TALDO1: variants seen among roughly 807,000 people sequenced by gnomAD.
TALDO1 encodes the protein transaldolase 1.
In TALDO1, 29 loss-of-function variants were observed where a neutral mutation model predicts 38.1. That is an observed-to-expected ratio of 0.76 (90% confidence interval 0.57 to 1.04). The LOEUF (loss-of-function observed/expected upper bound fraction) is 1.04, where lower values mean the gene tolerates loss of function less well. Among genes scored for constraint, TALDO1 ranks in the 50% least tolerant of loss-of-function variants. TALDO1 has a pLI of 0.00. For synonymous variants in TALDO1, 207 were observed against 176.8 expected (o/e 1.17, Z -1.36); for missense variants, 499 against 438.1 (o/e 1.14, Z -1.24).
Position 764,311 on chromosome 11 carries a change from A to T in TALDO1, c.859A>T (p.Ile287Phe). 6.2e-7 allele frequency: 1 copy of T among 1,614,240 alleles called. No homozygotes were observed. ...KAAQASDLEK[I>F]HLDEKSFRWL... ...AGCCCAAGCCAGTGACCTGGAAAAA[A>T]TCCACCTGGATGAGAAGTCTTTCCG... The change falls in exon 7 of 8, where the codon ATC (isoleucine) becomes TTC (phenylalanine). Residue 287 changes from isoleucine to phenylalanine, a missense_variant. Physicochemically the swap from Ile to Phe is conservative, Grantham distance 21. Transcript: ENST00000319006.
intron 4 of TALDO1, among the ~76,000 whole-genome samples, chr11:761,967 T>G (rs1030860615): frequency 6.6e-6 from 1 of 150,954 alleles, no homozygotes; most frequent in South Asian, 2.1e-4. Flanking sequence ...TGTGTGTTTT[T>G]TTGTTTTTTT....
rs774227609 is a variant in TALDO1 at position 763,555 on chromosome 11, C to T, written c.637+36C>T. On this transcript the variant is annotated intron_variant, in intron 5 of 7. Transcript: ENST00000319006. The stretch of plus-strand genomic sequence containing the variant: ...CTCTGTGGTAATGGGGTAAGGGGAG[C>T]AGCCTCAGCAGCACCTCAGGCAGGA... 102 of 1,611,170 alleles carry T rather than the reference C, an allele frequency of 6.3e-5. 1 individual carries two copies. The South Asian group carries it at 1.1e-3, about 18-fold the overall frequency.
intron 4 of TALDO1, 123 bp downstream of exon 4, chr11:760,376 C>A: frequency 6.8e-7 from 1 of 1,467,154 alleles, no homozygotes; most frequent in Non-Finnish European, 9.3e-7. Flanking sequence ...GGGAGCACAG[C>A]CCACAGCTTG....
At chr11:764,553 C>T (rs1456731180) in intron 7 of TALDO1, 120 bp downstream of exon 7, 3 of 1,505,942 alleles carry the variant, frequency 2.0e-6, no homozygotes, top group African/African-American at 1.4e-5. Context: ...CATTCACGTG[C>T]TGTCCAGCAA....
intron 4 of TALDO1, 45 bp from the exon 5 acceptor site, chr11:763,283 CCCCCGCCCTCACCTGT>C (rs1174545233): frequency 0.015 from 4,434 of 298,506 alleles, 107 homozygotes; most frequent in African/African-American, 0.021. Flanking sequence ...CCCTCACCCG[CCCCCGCCCTCACCTGT>C]CCCCGCCCTC....
chr11:763,698 G>C (rs1197279161), intron 5 of TALDO1, 49 bp from the exon 6 acceptor site: 1 of 1,601,020 alleles, frequency 6.2e-7, no homozygotes, highest in Non-Finnish European at 8.6e-7. Flanking sequence ...GGCAGGTGGG[G>C]TGGTACCTCT....
intron 2 of TALDO1, among the ~76,000 whole-genome samples, chr11:758,456 A>AT (rs1282108880): frequency 6.6e-6 from 1 of 151,952 alleles, no homozygotes; most frequent in Non-Finnish European, 1.5e-5. Flanking sequence ...GAAAAAAAAA[A>AT]GGATAAGATG....
intron 1 of TALDO1, among the ~76,000 whole-genome samples, chr11:750,572 C>G (rs1862732712): frequency 6.6e-6 from 1 of 152,042 alleles, no homozygotes; most frequent in South Asian, 2.1e-4. Context: ...AGCCTGTAAT[C>G]CGAGCACTTT....
chr11:763,889 G>A lies in TALDO1; in HGVS notation c.780G>A (p.Leu260=), dbSNP rs1175686841. 6.2e-7 allele frequency: 1 copy of A among 1,613,214 alleles called. No homozygotes were observed. Among genetic ancestry groups the A allele is most frequent in the Non-Finnish European group, 8.5e-7 (1 of 1,180,016 alleles). ...TCCTCACCATCTCACCCAAGCTCCTGGGAGAGCTGCTGCAGGACAACGCCA... is the reference window on the plus strand; with the variant it reads ...TCCTCACCATCTCACCCAAGCTCCTAGGAGAGCTGCTGCAGGACAACGCCA... ...CDFLTISPKL[L]GELLQDNAKL... Residue 260 remains leucine (L), a synonymous_variant, in exon 6 of 8, where the codon CTG becomes CTA. Transcript: ENST00000319006.
intron 1 of TALDO1, among the ~76,000 whole-genome samples, chr11:751,169 C>A (rs886379348): frequency 1.3e-5 from 2 of 151,872 alleles, no homozygotes; most frequent in African/African-American, 4.8e-5. Context: ...CTGAGGTGAT[C>A]CCCCCACCTC....
chr11:760,440 C>T, intron 4 of TALDO1, 187 bp downstream of exon 4: 1 of 785,730 alleles, frequency 1.3e-6, no homozygotes, highest in African/African-American at 1.7e-5. Flanking sequence ...GAGCCAGCTC[C>T]CTCACTTGCT....
intron 2 of TALDO1, among the ~76,000 whole-genome samples, chr11:756,787 G>T (rs762665644): frequency 6.6e-6 from 1 of 152,046 alleles, no homozygotes; most frequent in Non-Finnish European, 1.5e-5. Flanking sequence ...CACAGTGCTC[G>T]GATTACAGAC....
Position 758,913 on chromosome 11 carries a change from A to T in TALDO1, c.222-37A>T, listed in dbSNP as rs1486202091. On this transcript the variant is annotated intron_variant, in intron 2 of 7. Coordinates refer to ENST00000319006, the MANE Select transcript of TALDO1 (RefSeq NM_006755.2). ...AGCCACCGCACCTGGCGAACCTCAG[A>T]AGCTTCTAACCTGCTTTTTTTCCCT... The T allele has an allele frequency of 1.9e-6, 3 of 1,577,726 alleles. No homozygotes were observed. In the Admixed American group the frequency reaches 5.1e-5, roughly 27 times the overall value.
Position 755,976 on chromosome 11 carries a change from G to C in TALDO1, c.195G>C (p.Ala65=). 6.2e-7 allele frequency: 1 copy of C among 1,613,652 alleles called. No individual in the cohort carries two copies. Among genetic ancestry groups the C allele is most frequent in the Non-Finnish European group, 8.5e-7 (1 of 1,179,896 alleles). ...CTTACCAGGAGCTGGTGGAGGAGGC[G>C]ATTGCCTATGGCCGGAAGCTGGGCG... ...MPAYQELVEE[A]IAYGRKLGGS... is the part of the protein sequence containing the mutation. Residue 65 remains alanine, a synonymous_variant, in exon 2 of 8, where the codon GCG becomes GCC. Coordinates refer to ENST00000319006, the MANE Select transcript of TALDO1 (RefSeq NM_006755.2).
At position 760,092 on chromosome 11, in the gene TALDO1, T is replaced by C. The variant is rs748694254; in HGVS notation, c.330-30T>C. 36 of 1,612,974 alleles carry C rather than the reference T, an allele frequency of 2.2e-5. No homozygotes were observed. The Middle Eastern group carries it at 5.3e-4, about 24-fold the overall frequency. Reference sequence around the variant, plus strand: ...TGCGTGGTGGGCAACCTGCGTGATCTGAGGGGATGGGTTCTTCTTGCTCCT... The same window carrying C: ...TGCGTGGTGGGCAACCTGCGTGATCCGAGGGGATGGGTTCTTCTTGCTCCT... On this transcript the variant is annotated intron_variant, in intron 3 of 7. Transcript: ENST00000319006.
At position 764,891 on chromosome 11, in the gene TALDO1, G is replaced by A. The variant is rs746038442; in HGVS notation, c.*46G>A. On this transcript the variant is annotated 3_prime_UTR_variant, in exon 8 of 8. Transcript: ENST00000319006. ...CCAGATCTGCACCGCCGGCCAGCTG[G>A]GATCTGACTGCACGTGGCTTCTGAT... is the stretch of plus-strand genomic sequence containing the variant. 1 of 1,613,144 alleles carries A rather than the reference G, an allele frequency of 6.2e-7. No homozygotes were observed. The highest frequency in any genetic ancestry group is 8.5e-7 in the Non-Finnish European group (1 of 1,179,602).
chr11:753,907 AG>A (rs1196314355), intron 1 of TALDO1, among the ~76,000 whole-genome samples: 89 of 151,668 alleles, frequency 5.9e-4, no homozygotes, highest in African/African-American at 2.1e-3. Context: ...ACTCTGTGTC[AG>A]AAAAAAAAAA....
intron 1 of TALDO1, among the ~76,000 whole-genome samples, chr11:753,208 A>G (rs1302115314): frequency 6.6e-6 from 1 of 152,026 alleles, no homozygotes; most frequent in Non-Finnish European, 1.5e-5. Flanking sequence ...AGCCCGGCCA[A>G]CATGGCAAAA....
chr11:756,512 ATTTTTT>A (rs34721664), intron 2 of TALDO1, among the ~76,000 whole-genome samples: 6 of 115,370 alleles, frequency 5.2e-5, no homozygotes, highest in South Asian at 5.8e-4. Context: ...TCATTTTTGT[ATTTTTT>A]TTTTTTTTTT....
Sources: allele counts gnomAD v4.1 joint callset (sites outside exome capture counted in the v4.1 genomes callset), GRCh38; gene constraint gnomAD v4.1.1; transcripts MANE v1.5; gene names NCBI Gene and HGNC (gene_info 2026-07-23, HGNC 2026-07-21).